Variants in ELFN2 observed in about 807,000 individuals in gnomAD.
The protein encoded by ELFN2 is extracellular leucine rich repeat and fibronectin type III domain containing 2.
Under a neutral mutation model 45.5 loss-of-function variants are expected in ELFN2, and 17 were observed. That is an observed-to-expected ratio of 0.37 (90% CI 0.26 to 0.56). The LOEUF is 0.56. ELFN2 is among the 20% of genes least tolerant of loss of function. The pLI, the probability that ELFN2 is intolerant of heterozygous loss-of-function variation, is 0.77. For synonymous variants in ELFN2, 550 were observed against 551.5 expected, an observed-to-expected ratio of 1.00 and a Z score of 0.04; for missense variants, 922 against 1,183.2, an observed-to-expected ratio of 0.78 and a Z score of 3.24.
At chr22:37,413,006 C>A (rs756964889) in intron 2 of ELFN2, among the ~76,000 whole-genome samples, 5 of 152,204 alleles carry the variant, frequency 3.3e-5, no homozygotes, top group Non-Finnish European at 7.3e-5. Flanking sequence ...CTGCTCTGCA[C>A]CCTGGAAGAG....
intron 1 of ELFN2, chr22:37,353,542 A>C (rs980493999): frequency 2.0e-5 from 3 of 151,142 alleles, no homozygotes; most frequent in Non-Finnish European, 3.0e-5. Flanking sequence ...GATTTGCAAC[A>C]GGACTCTTAA....
At chr22:37,388,641 A>T (rs941603255) in intron 2 of ELFN2, among the ~76,000 whole-genome samples, 4 of 152,140 alleles carry the variant, frequency 2.6e-5, no homozygotes, top group Admixed American at 6.5e-5. Flanking sequence ...CACAGATCTC[A>T]GGGGACTTCA....
intron 2 of ELFN2, among the ~76,000 whole-genome samples, chr22:37,409,097 C>T (rs1932581860): frequency 6.6e-6 from 1 of 152,196 alleles, no homozygotes; most frequent in African/African-American, 2.4e-5. Flanking sequence ...CAGGCTCAGC[C>T]CCAAGGCGGA....
rs763694742 is a variant in ELFN2 at position 37,374,693 on chromosome 22, A to C, written c.842T>G (p.Leu281Arg). The C allele has an allele frequency of 1.4e-5, 22 of 1,611,658 alleles. No homozygotes were observed. The highest frequency in any genetic ancestry group is 1.8e-5 in the Non-Finnish European group (21 of 1,178,158). The stretch of plus-strand genomic sequence containing the variant: ...GGACGAGGCCGGCGGCTCCACCGAA[A>C]GGATCTCGTCGGGGTTGAAGCCCGA... ...ENSGFNPDEI[L>R]SVEPPASSTT... Residue 281 changes from leucine to arginine, a missense_variant, in exon 3 of 3, where the codon CTT becomes CGT. Leu to Arg is a moderately radical substitution (Grantham distance 102). Around this residue, in one of 2 missense-constraint regions of ELFN2, gnomAD observed 358 missense variants for 540.4 expected, o/e 0.66. Transcript: ENST00000402918.
chr22:37,386,254 C>G (rs1931943359), intron 2 of ELFN2, among the ~76,000 whole-genome samples: 1 of 152,188 alleles, frequency 6.6e-6, no homozygotes, highest in Non-Finnish European at 1.5e-5. Context: ...TGAAGCCACA[C>G]CACAGCTCAC....
chr22:37,412,051 CTG>C (rs1174963769), intron 2 of ELFN2, among the ~76,000 whole-genome samples: 1 of 151,980 alleles, frequency 6.6e-6, no homozygotes, highest in Non-Finnish European at 1.5e-5. Flanking sequence ...AGAAAGCAGA[CTG>C]AGGTTGGGCG....
rs530168246 is a variant in ELFN2 at position 37,361,438 on chromosome 22, A to G, written n.149-18735T>C. On this transcript the variant is annotated intron_variant and non_coding_transcript_variant, in intron 1 of 2. Transcript: ENST00000452946. ...CAGCCCCACTCAACTCCTGGGCCCAAGTGACGCCATCTCCCCTTCCACCTC... is the reference window on the plus strand; with the variant it reads ...CAGCCCCACTCAACTCCTGGGCCCAGGTGACGCCATCTCCCCTTCCACCTC... Among the ~76,000 whole-genome samples the G allele has an allele frequency of 7.9e-5, 12 of 151,602 alleles. No homozygotes were observed. In the South Asian group the frequency reaches 2.5e-3, roughly 32 times the overall value.
rs774906440 is a variant in ELFN2 at position 37,374,884 on chromosome 22, C to T, written c.651G>A (p.Ser217=). Residue 217 remains serine, a synonymous_variant, in exon 3 of 3, where the codon TCG becomes TCA. Transcript: ENST00000402918. ...GCGGGTAGCCGGCAAACTCCCGCGG[C>T]GACTCACACTGCAGGCGGTCGTAGT... ...TKNYDRLQCE[S]PREFAGYPLL... 28 of 1,610,792 alleles carry T rather than the reference C, an allele frequency of 1.7e-5. No individual in the cohort carries two copies. Among genetic ancestry groups the T allele is most frequent in the South Asian group, 3.3e-5 (3 of 91,052 alleles).
intron 1 of ELFN2, among the ~76,000 whole-genome samples, chr22:37,346,073 A>G (rs968369626): frequency 1.3e-5 from 2 of 152,236 alleles, no homozygotes; most frequent in Non-Finnish European, 2.9e-5. Context: ...CTTCGTCATT[A>G]GGACGGGATG....
At chr22:37,347,067 C>T (rs539996370) in intron 1 of ELFN2, among the ~76,000 whole-genome samples, 1 of 152,072 alleles carries the variant, frequency 6.6e-6, no homozygotes, top group African/African-American at 2.4e-5. Flanking sequence ...CAACCTCTGC[C>T]CCCCCGGTTC....
At chr22:37,377,860 C>T (rs764295072) in intron 2 of ELFN2, among the ~76,000 whole-genome samples, 12 of 152,180 alleles carry the variant, frequency 7.9e-5, no homozygotes, top group Non-Finnish European at 1.6e-4. Context: ...GACCTTGGCC[C>T]CCGTCCAGCA....
rs1005405928 is a variant in ELFN2 at position 37,373,201 on chromosome 22, C to T, written c.2334G>A (p.Lys778=). 3 of 1,613,796 alleles carry T rather than the reference C, an allele frequency of 1.9e-6. No homozygotes were observed. Among genetic ancestry groups the T allele is most frequent in the Non-Finnish European group, 2.5e-6 (3 of 1,180,014 alleles). ...CCATGTACACCTCCTCCCGGTGGTG[C>T]TTCTTGTAGGGCCGGAAGCGCTCCC... ...KIWERFRPYK[K]HHREEVYMAA... The change falls in exon 3 of 3, where the codon AAG becomes AAA. Residue 778 remains lysine, a synonymous_variant. Coordinates refer to ENST00000402918, the MANE Select transcript of ELFN2 (RefSeq NM_052906.5).
chr22:37,423,865 A>G (rs1434622827), intron 1 of ELFN2, among the ~76,000 whole-genome samples: 1 of 151,598 alleles, frequency 6.6e-6, no homozygotes, highest in Non-Finnish European at 1.5e-5. Flanking sequence ...AATTATTCCA[A>G]CCCCCAGACA....
chr22:37,412,058 T>A (rs1932661276), intron 2 of ELFN2, among the ~76,000 whole-genome samples: 2 of 151,772 alleles, frequency 1.3e-5, no homozygotes, highest in African/African-American at 4.8e-5. Context: ...AGACTGAGGT[T>A]GGGCGCCTCA....
At chr22:37,412,388 G>A (rs1293460261) in intron 2 of ELFN2, among the ~76,000 whole-genome samples, 1 of 151,938 alleles carries the variant, frequency 6.6e-6, no homozygotes, top group Non-Finnish European at 1.5e-5. Context: ...GGGAATTGAG[G>A]CTCTATCTCC....
chr22:37,359,183 T>C (rs6000687), intron 1 of ELFN2, among the ~76,000 whole-genome samples: 66,211 of 151,906 alleles, frequency 0.44, 15,045 homozygotes, highest in Admixed American at 0.57. Flanking sequence ...CGGCAGGGAA[T>C]TGAAAATATA....
At chr22:37,391,814 G>A (rs1325487917) in intron 2 of ELFN2, among the ~76,000 whole-genome samples, 2 of 152,188 alleles carry the variant, frequency 1.3e-5, no homozygotes, top group Non-Finnish European at 2.9e-5. Flanking sequence ...CCCAGGCCTG[G>A]CAAATATTGG....
At chr22:37,348,921 C>A (rs1930757651) in intron 1 of ELFN2, among the ~76,000 whole-genome samples, 1 of 150,656 alleles carries the variant, frequency 6.6e-6, no homozygotes, top group Admixed American at 6.6e-5. Context: ...GGAAGTGAGC[C>A]CTGGGGCCTG....
rs1301561826 is a variant in ELFN2, at chr22:37,371,568, C to T, written c.*1504G>A. 1 of 152,576 alleles carries T rather than the reference C, an allele frequency of 6.6e-6. No homozygotes were observed. The highest frequency in any genetic ancestry group is 2.4e-5 in the African/African-American group (1 of 41,424). The allele number at this position is 152,576 out of a possible 1,614,324, so 9.5% of individuals were successfully genotyped here. On this transcript the variant is annotated 3_prime_UTR_variant, in exon 3 of 3. Coordinates refer to ENST00000402918, the MANE Select transcript of ELFN2 (RefSeq NM_052906.5). This position sits in a 1 kb window ranked among gnomAD's most constrained non-coding sequence, Gnocchi z 6.4. ...GTCTCAGGACCGCAGATTTGCCTCC[C>T]AAAAGAGCTGGCCCCAGGAGCTGCT...
Sources: allele counts gnomAD v4.1 joint callset (sites outside exome capture counted in the v4.1 genomes callset), GRCh38; gene constraint gnomAD v4.1.1; regional missense constraint gnomAD v4.1.1; non-coding constraint Gnocchi (gnomAD v3.1); transcripts MANE v1.5; gene names NCBI Gene and HGNC (gene_info 2026-07-23, HGNC 2026-07-21).